The following PRKN variants were observed in gnomAD, a reference collection of about 807,000 sequenced individuals.
The protein encoded by PRKN is parkin RBR E3 ubiquitin protein ligase.
In PRKN, 56 loss-of-function variants were observed where a neutral mutation model predicts 59.5. That is an observed-to-expected ratio of 0.94 (90% CI 0.76 to 1.18). PRKN has a LOEUF of 1.18. PRKN is among the 50% of genes most tolerant of loss of function. PRKN has a pLI of 0.00. For missense variants in PRKN, 657 were observed against 596.4 expected (o/e 1.10, Z -1.06); for synonymous variants, 250 against 222.1 (o/e 1.13, Z -1.12).
In PRKN at chr6:161,530,911, A is replaced by C. The variant is rs912265021; in HGVS notation, c.1083+17943T>G. On this transcript the variant is annotated intron_variant, in intron 9 of 11. Transcript: ENST00000366898. This position sits in a 1 kb window ranked among gnomAD's most constrained non-coding sequence, Gnocchi z 5.0. Reference sequence around the variant, plus strand: ...AGAGAGCTTCAACAATTTCTTTCTAATGATAATTCAAATCTTTACCAAAAT... The same window carrying C: ...AGAGAGCTTCAACAATTTCTTTCTACTGATAATTCAAATCTTTACCAAAAT... Among the ~76,000 whole-genome samples, 2 of 152,194 alleles carry C rather than the reference A, an allele frequency of 1.3e-5. No homozygotes were observed. Among genetic ancestry groups the C allele is most frequent in the Non-Finnish European group, 2.9e-5 (2 of 68,038 alleles).
intron 1 of PRKN, among the ~76,000 whole-genome samples, chr6:162,544,393 G>A (rs569310333): frequency 2.0e-5 from 3 of 152,128 alleles, no homozygotes; most frequent in African/African-American, 7.2e-5. Flanking sequence ...TCATGTGAGG[G>A]GGCAGCCAGG....
chr6:162,399,830 C>T (rs943057105), intron 2 of PRKN, among the ~76,000 whole-genome samples: 9 of 151,926 alleles, frequency 5.9e-5, no homozygotes, highest in African/African-American at 2.2e-4. Flanking sequence ...AAGGTACAAA[C>T]TCACTGCAAA....
rs1414370108 is a variant in PRKN at position 161,527,724 on chromosome 6, G to A, written c.1083+21130C>T. Among the ~76,000 whole-genome samples, 2 of 152,340 alleles carry A rather than the reference G, an allele frequency of 1.3e-5. No homozygotes were observed. Among genetic ancestry groups the A allele is most frequent in the East Asian group, 3.9e-4 (2 of 5,186 alleles). ...GCTCTAATATTCCTAGTCAGGCCAA[G>A]CTATTGCTAATCAGAACATTCTCCG... On this transcript the variant is annotated intron_variant, in intron 9 of 11. Coordinates refer to ENST00000366898, the MANE Select transcript of PRKN (RefSeq NM_004562.3). This position sits in a 1 kb window ranked among gnomAD's most constrained non-coding sequence, Gnocchi z 4.6.
intron 7 of PRKN, among the ~76,000 whole-genome samples, chr6:161,763,301 T>G (rs1357590978): frequency 6.6e-6 from 1 of 152,086 alleles, no homozygotes; most frequent in Non-Finnish European, 1.5e-5. Context: ...TGACAGGTGA[T>G]GTAGATGCAT....
At chr6:162,292,481 A>C (rs767449470) in intron 2 of PRKN, among the ~76,000 whole-genome samples, 1 of 152,200 alleles carries the variant, frequency 6.6e-6, no homozygotes, top group Non-Finnish European at 1.5e-5. Flanking sequence ...CTTAAAAAAA[A>C]TCCCAGGCAA....
chr6:162,326,534 A>C (rs1441945842), intron 2 of PRKN, among the ~76,000 whole-genome samples: 2 of 152,146 alleles, frequency 1.3e-5, no homozygotes, highest in Non-Finnish European at 2.9e-5. Flanking sequence ...GGTCTCTGGT[A>C]CTAATACTTC....
At chr6:161,510,258 T>C (rs1005241550) in intron 9 of PRKN, among the ~76,000 whole-genome samples, 3 of 152,236 alleles carry the variant, frequency 2.0e-5, no homozygotes, top group African/African-American at 4.8e-5. Context: ...ATGAACCTTC[T>C]TGATGCTTTG....
At chr6:162,690,410 G>A (rs537191492) in intron 1 of PRKN, among the ~76,000 whole-genome samples, 3 of 152,122 alleles carry the variant, frequency 2.0e-5, no homozygotes, top group Admixed American at 6.6e-5. Context: ...TTTACTGCTC[G>A]CTTCCTCTTA....
At chr6:161,695,149 T>C (rs115616871) in intron 7 of PRKN, among the ~76,000 whole-genome samples, 1 of 152,136 alleles carries the variant, frequency 6.6e-6, no homozygotes, top group Admixed American at 6.5e-5. Flanking sequence ...TTTTGCCTAA[T>C]GACTGATTAT....
At chr6:162,535,501 G>C (rs1441440802) in intron 1 of PRKN, among the ~76,000 whole-genome samples, 1 of 151,850 alleles carries the variant, frequency 6.6e-6, no homozygotes, top group African/African-American at 2.4e-5. Context: ...TGAATAGATG[G>C]TGTGTGTGTG....
chr6:161,466,894 T>C lies in PRKN; in HGVS notation c.1084-80017A>G, dbSNP rs1161908089. 1.3e-5 allele frequency among the ~76,000 whole-genome samples: 2 copies of C among 152,248 alleles called. No homozygotes were observed. The highest frequency in any genetic ancestry group is 2.9e-5 in the Non-Finnish European group (2 of 68,050). On this transcript the variant is annotated intron_variant, in intron 9 of 11. Coordinates refer to ENST00000366898, the MANE Select transcript of PRKN (RefSeq NM_004562.3). This position sits in a 1 kb window ranked among gnomAD's most constrained non-coding sequence, Gnocchi z 5.0. Reference sequence around the variant, plus strand: ...GGGACAGTCACACGAAGTTAGTTAATGAGGGATTTTTATTCTTTTGTTTCT... The same window carrying C: ...GGGACAGTCACACGAAGTTAGTTAACGAGGGATTTTTATTCTTTTGTTTCT...
rs1426877103 is a variant in PRKN, at chr6:161,409,693, A to G, written c.1084-22816T>C. On this transcript the variant is annotated intron_variant, in intron 9 of 11. Transcript: ENST00000366898. This position sits in a 1 kb window ranked among gnomAD's most constrained non-coding sequence, Gnocchi z 4.6. ...CCATGGAATAAGAATTTAAGACCCA[A>G]TTTGAGGTCACGTGCTGCAAACCCA... 6.6e-6 allele frequency among the ~76,000 whole-genome samples: 1 copy of G among 152,086 alleles called. No homozygotes were observed. The highest frequency in any genetic ancestry group is 1.5e-5 in the Non-Finnish European group (1 of 68,026).
intron 5 of PRKN, among the ~76,000 whole-genome samples, chr6:161,998,569 C>A (rs577776847): frequency 6.6e-6 from 1 of 152,246 alleles, no homozygotes; most frequent in East Asian, 1.9e-4. Context: ...ATCCTAGTTA[C>A]AGCTTTCTAC....
chr6:162,224,718 T>C (rs1233255008), intron 3 of PRKN, among the ~76,000 whole-genome samples: 1 of 152,154 alleles, frequency 6.6e-6, no homozygotes, highest in African/African-American at 2.4e-5. Context: ...CTGCATCCTC[T>C]TTCTGGGCAC....
chr6:162,278,896 A>C (rs1357267269), intron 2 of PRKN, among the ~76,000 whole-genome samples: 2 of 152,310 alleles, frequency 1.3e-5, no homozygotes, highest in East Asian at 1.9e-4. Context: ...CAAATGTGGC[A>C]AAGTGTTAAC....
At position 161,638,112 on chromosome 6, in the gene PRKN, G is replaced by A. The variant is rs151127872; in HGVS notation, c.872-68696C>T. 3.9e-3 allele frequency among the ~76,000 whole-genome samples: 585 copies of A among 151,924 alleles called. 6 individuals carry two copies. Among genetic ancestry groups the A allele is most frequent in the African/African-American group, 0.013 (526 of 41,438 alleles). On this transcript the variant is annotated intron_variant, in intron 7 of 11. Coordinates refer to ENST00000366898, the MANE Select transcript of PRKN (RefSeq NM_004562.3). ...AAACTTTACCTTTGCACAGAGCCTTGCAGTCTGCAGTGATATTCACCCCTG... is the reference window on the plus strand; with the variant it reads ...AAACTTTACCTTTGCACAGAGCCTTACAGTCTGCAGTGATATTCACCCCTG...
chr6:161,393,453 C>A lies in PRKN; in HGVS notation c.1084-6576G>T, dbSNP rs906760959. On this transcript the variant is annotated intron_variant, in intron 9 of 11. Transcript: ENST00000366898. The surrounding 1 kb of genome is among the most constrained non-coding windows in gnomAD (Gnocchi z 4.7). The stretch of plus-strand genomic sequence containing the variant: ...GCTGAGGTAAGTCACTGTCAGCCCC[C>A]TTAGACGCTCTGTACTACCAGAGAG... Among the ~76,000 whole-genome samples, 1 of 152,108 alleles carries A rather than the reference C, an allele frequency of 6.6e-6. No homozygotes were observed. The highest frequency in any genetic ancestry group is 2.4e-5 in the African/African-American group (1 of 41,382).
intron 2 of PRKN, among the ~76,000 whole-genome samples, chr6:162,414,703 T>G (rs1788529846): frequency 2.9e-5 from 1 of 34,532 alleles, no homozygotes; most frequent in Admixed American, 2.7e-4. Flanking sequence ...TGAGCAAGAC[T>G]CCGTCTCAAA....
chr6:161,973,492 AC>A lies in PRKN; in HGVS notation c.619-76del. 3.7e-6 allele frequency: 3 copies of A among 807,524 alleles called. No individual in the cohort carries two copies. In the South Asian group the frequency reaches 4.2e-5, roughly 11 times the overall value. 50.0% of individuals were successfully genotyped at this position (807,524 alleles called of 1,614,324 possible). A position where few individuals can be genotyped will look rare whatever the true frequency, so the allele number is the denominator to read the frequency against. On this transcript the variant is annotated intron_variant, in intron 5 of 11. Coordinates refer to ENST00000366898, the MANE Select transcript of PRKN (RefSeq NM_004562.3). ...TTTCCTCTAAATGTTTCCACAGTAA[AC>A]AATCTCTTTGGACAAGAGAAGAAAT...
Sources: gnomAD v4.1 joint callset for allele counts (sites outside exome capture counted in the v4.1 genomes callset) on GRCh38, gnomAD v4.1.1 for gene constraint, Gnocchi (gnomAD v3.1) non-coding constraint, MANE v1.5 for transcripts, NCBI Gene and HGNC (gene_info 2026-07-23, HGNC 2026-07-21) for gene names.